The following CELF2 variants were observed in gnomAD, a reference collection of about 807,000 sequenced individuals.
CELF2 encodes the protein CUGBP Elav-like family member 2.
A neutral mutation model predicts 62.6 loss-of-function variants in CELF2; 8 were observed. That is an observed-to-expected ratio of 0.13 (90% confidence interval 0.07 to 0.23). The LOEUF is 0.23. CELF2 is among the 10% of genes least tolerant of loss of function. The pLI is 1.00. For missense variants in CELF2, 333 were observed against 671.0 expected (o/e 0.50, Z 5.56); for synonymous variants, 258 against 250.0 (o/e 1.03, Z -0.30).
chr10:10,569,255 G>A, the CELF2 span, among the ~76,000 whole-genome samples: 1 of 152,260 alleles, frequency 6.6e-6, no homozygotes, highest in African/African-American at 2.4e-5. Context: ...TCTGGCTGGG[G>A]AGGCCTCACA....
At chr10:10,844,754 A>T (rs887370307) in intron 1 of CELF2, among the ~76,000 whole-genome samples, 3 of 152,082 alleles carry the variant, frequency 2.0e-5, no homozygotes, top group Admixed American at 2.0e-4. Flanking sequence ...AAGGGTTTTG[A>T]TTGGGATTAG....
rs764056455 is a variant in CELF2 at position 11,333,999 on chromosome 10, GCTTTT to G, written c.*4952_*4956del. 2.0e-5 allele frequency: 3 copies of G among 152,312 alleles called. No individual in the cohort carries two copies. Among genetic ancestry groups the G allele is most frequent in the African/African-American group, 4.8e-5 (2 of 41,326 alleles). 9.4% of individuals were successfully genotyped at this position (152,312 alleles called of 1,614,324 possible). A position where few individuals can be genotyped will look rare whatever the true frequency, so the allele number is the denominator to read the frequency against. On this transcript the variant is annotated 3_prime_UTR_variant, in exon 13 of 13. Coordinates refer to ENST00000633077, the MANE Select transcript of CELF2 (RefSeq NM_001326342.2). ...TTGATTGATTGATAGAAAGAAAGTT[GCTTTT>G]CTTTTGAGAATTAAAAACTTTGGCT...
chr10:10,811,236 A>G (rs565218071), intron 1 of CELF2, among the ~76,000 whole-genome samples: 63 of 152,344 alleles, frequency 4.1e-4, no homozygotes, highest in Middle Eastern at 3.4e-3. Context: ...TTATAAATTA[A>G]GTGGTCAGGA....
At chr10:11,272,307 T>C (rs1464298298) in intron 7 of CELF2, among the ~76,000 whole-genome samples, 1 of 152,236 alleles carries the variant, frequency 6.6e-6, no homozygotes, top group African/African-American at 2.4e-5. Flanking sequence ...GACTAATCAG[T>C]CTAAAAATTG....
the CELF2 span, among the ~76,000 whole-genome samples, chr10:10,491,166 G>A: frequency 6.6e-6 from 1 of 152,116 alleles, no homozygotes; most frequent in Non-Finnish European, 1.5e-5. Context: ...TGGCAAAGAG[G>A]TTTCCCTAGC....
At chr10:10,575,765 T>C in the CELF2 span, among the ~76,000 whole-genome samples, 2 of 152,296 alleles carry the variant, frequency 1.3e-5, no homozygotes, top group South Asian at 4.2e-4. Context: ...GAACAAGATA[T>C]TCACTCAAGT....
Position 11,318,249 on chromosome 10 carries a change from C to T in CELF2, c.1097-2940C>T, listed in dbSNP as rs1445910348. 1 of 154,970 alleles carries T rather than the reference C, an allele frequency of 6.5e-6. No homozygotes were observed. Among genetic ancestry groups the T allele is most frequent in the Non-Finnish European group, 1.4e-5 (1 of 70,100 alleles). The allele number at this position is 154,970 out of a possible 1,614,324, so 9.6% of individuals were successfully genotyped here. On this transcript the variant is annotated intron_variant, in intron 10 of 12. Coordinates refer to ENST00000633077, the MANE Select transcript of CELF2 (RefSeq NM_001326342.2). The surrounding 1 kb of genome is among the most constrained non-coding windows in gnomAD (Gnocchi z 5.4). ...CCTAGGAACCACCCTCCCAGATTTTCCACGATAGTTGTGGTTTAAAATATT... is the reference window on the plus strand; with the variant it reads ...CCTAGGAACCACCCTCCCAGATTTTTCACGATAGTTGTGGTTTAAAATATT...
At position 11,328,863 on chromosome 10, in the gene CELF2, C is replaced by A; in HGVS notation, c.1439-63C>A. The A allele has an allele frequency of 6.4e-7, 1 of 1,556,448 alleles. No individual in the cohort carries two copies. The highest frequency in any genetic ancestry group is 8.7e-7 in the Non-Finnish European group (1 of 1,146,714). On this transcript the variant is annotated intron_variant, in intron 12 of 12. Coordinates refer to ENST00000633077, the MANE Select transcript of CELF2 (RefSeq NM_001326342.2). The surrounding 1 kb of genome is among the most constrained non-coding windows in gnomAD (Gnocchi z 6.4). ...CTTCAGCCTTCCCCAGAGCTCCAGCCCCCTTTTCTGTTTTCTGCTGGGCTT... is the reference window on the plus strand; with the variant it reads ...CTTCAGCCTTCCCCAGAGCTCCAGCACCCTTTTCTGTTTTCTGCTGGGCTT...
chr10:10,682,327 C>G, the CELF2 span, among the ~76,000 whole-genome samples: 3 of 152,192 alleles, frequency 2.0e-5, no homozygotes, highest in African/African-American at 7.2e-5. Flanking sequence ...CAAAATTAAT[C>G]TCAGTTGTTA....
intron 1 of CELF2, among the ~76,000 whole-genome samples, chr10:11,160,573 G>A (rs2065470330): frequency 6.7e-6 from 1 of 148,776 alleles, no homozygotes; most frequent in Non-Finnish European, 1.5e-5. Context: ...CACCATATTG[G>A]ACTGTGCAAA....
Position 11,314,117 on chromosome 10 carries a change from GTC to G in CELF2, c.977-18_977-17del. On this transcript the variant is annotated intron_variant, in intron 9 of 12. Coordinates refer to ENST00000633077, the MANE Select transcript of CELF2 (RefSeq NM_001326342.2). The surrounding 1 kb of genome is among the most constrained non-coding windows in gnomAD (Gnocchi z 5.3). ...CTCACCTCGTGTCTTCTCTCCCCTT[GTC>G]TCTGTTTTCCTTTTTTCAGTGGCTG... is the stretch of plus-strand genomic sequence containing the variant. The G allele has an allele frequency of 2.0e-6, 3 of 1,496,366 alleles. No individual in the cohort carries two copies. Among genetic ancestry groups the G allele is most frequent in the Non-Finnish European group, 2.7e-6 (3 of 1,127,408 alleles). 92.7% of individuals were successfully genotyped at this position (1,496,366 alleles called of 1,614,324 possible). A position where few individuals can be genotyped will look rare whatever the true frequency, so the allele number is the denominator to read the frequency against.
At chr10:11,109,260 T>C (rs1269579749) in intron 1 of CELF2, among the ~76,000 whole-genome samples, 1 of 152,230 alleles carries the variant, frequency 6.6e-6, no homozygotes, top group Non-Finnish European at 1.5e-5. Context: ...TCTGTTTTCC[T>C]GTAATGTGTG....
At chr10:11,070,798 G>T (rs538346636) in intron 1 of CELF2, among the ~76,000 whole-genome samples, 1 of 152,148 alleles carries the variant, frequency 6.6e-6, no homozygotes, top group Non-Finnish European at 1.5e-5. Flanking sequence ...TCGGGGAAGG[G>T]TGCATAGCAT....
Position 10,949,181 on chromosome 10 carries a change from G to A in CELF2, c.89+29182G>A, listed in dbSNP as rs555350043. Reference sequence around the variant, plus strand: ...GGTCCTCTATACATGTGTTCCCTCCGTCTCCAAGGCCACCTCCTCTCAGCT... The same window carrying A: ...GGTCCTCTATACATGTGTTCCCTCCATCTCCAAGGCCACCTCCTCTCAGCT... On this transcript the variant is annotated intron_variant, in intron 2 of 13. Transcript: ENST00000636488. 2.4e-4 allele frequency among the ~76,000 whole-genome samples: 37 copies of A among 152,114 alleles called. No individual in the cohort carries two copies. In the South Asian group the frequency reaches 3.3e-3, roughly 14 times the overall value.
chr10:11,163,979 C>A (rs1364058584), intron 1 of CELF2, among the ~76,000 whole-genome samples: 1 of 152,218 alleles, frequency 6.6e-6, no homozygotes, highest in South Asian at 2.1e-4. Context: ...AGATCTTTGT[C>A]TACCTTCTTG....
rs1462387826 is a variant in CELF2, at chr10:11,302,231, CCTT to C, written c.977-11905_977-11903del. On this transcript the variant is annotated intron_variant, in intron 9 of 12. Coordinates refer to ENST00000633077, the MANE Select transcript of CELF2 (RefSeq NM_001326342.2). The surrounding 1 kb of genome is among the most constrained non-coding windows in gnomAD (Gnocchi z 5.0). ...CCTTCCCACTCCCTGCAGCCTCTCA[CCTT>C]CTCATGCCTCAGAATCAAGTTTTCA... 1.3e-5 allele frequency among the ~76,000 whole-genome samples: 2 copies of C among 152,342 alleles called. No individual in the cohort carries two copies. The highest frequency in any genetic ancestry group is 6.5e-5 in the Admixed American group (1 of 15,306).
intron 1 of CELF2, among the ~76,000 whole-genome samples, chr10:10,849,726 AT>A (rs781403935): frequency 6.6e-6 from 1 of 152,158 alleles, no homozygotes; most frequent in Non-Finnish European, 1.5e-5. Context: ...AATGTGTTTT[AT>A]CATACGTGTG....
At position 11,306,548 on chromosome 10, in the gene CELF2, T is replaced by A. The variant is rs1328230546; in HGVS notation, c.977-7591T>A. Among the ~76,000 whole-genome samples, 3 of 152,142 alleles carry A rather than the reference T, an allele frequency of 2.0e-5. No homozygotes were observed. The East Asian group carries it at 5.8e-4, about 29-fold the overall frequency. On this transcript the variant is annotated intron_variant, in intron 9 of 12. Coordinates refer to ENST00000633077, the MANE Select transcript of CELF2 (RefSeq NM_001326342.2). This position sits in a 1 kb window ranked among gnomAD's most constrained non-coding sequence, Gnocchi z 4.4. ...GACAAATTGGAGTTTTTCTTATGCTTTAAATTATTTGTTAACATTCAGAAG... is the reference window on the plus strand; with the variant it reads ...GACAAATTGGAGTTTTTCTTATGCTATAAATTATTTGTTAACATTCAGAAG...
At chr10:11,025,333 A>G (rs1035746131) in intron 1 of CELF2, among the ~76,000 whole-genome samples, 27 of 151,932 alleles carry the variant, frequency 1.8e-4, no homozygotes, top group Non-Finnish European at 1.6e-4. Flanking sequence ...AATTGTAGTC[A>G]CCATAGTCCC....
Sources: allele counts gnomAD v4.1 joint callset (sites outside exome capture counted in the v4.1 genomes callset), GRCh38; gene constraint gnomAD v4.1.1; non-coding constraint Gnocchi (gnomAD v3.1); transcripts MANE v1.5; gene names NCBI Gene and HGNC (gene_info 2026-07-23, HGNC 2026-07-21).